Variants in GNG7 observed in about 807,000 individuals in gnomAD.
GNG7 encodes the protein guanine nucleotide-binding protein G(I)/G(S)/G(O) subunit gamma-7.
A neutral mutation model predicts 4.0 loss-of-function variants in GNG7; 1 was observed. The ratio of observed to expected loss-of-function variants is 0.25; its 90% CI spans 0.09 to 1.18. The LOEUF (loss-of-function observed/expected upper bound fraction) is 1.18, where lower values mean the gene tolerates loss of function less well. Ranked by LOEUF, GNG7 falls within the 50% of genes most tolerant of loss-of-function variation. The pLI is 0.50. For missense variants in GNG7, 86 were observed against 91.9 expected (o/e 0.94, Z 0.26); for synonymous variants, 34 against 36.9 (o/e 0.92, Z 0.29).
At position 2,604,664 on chromosome 19, in the gene GNG7, T is replaced by TGGAA. The variant is rs1309817565; in HGVS notation, c.-78+41556_-78+41559dup. Among the ~76,000 whole-genome samples the TGGAA allele has an allele frequency of 1.3e-4, 6 of 46,006 alleles. 1 individual carries two copies. Among genetic ancestry groups the TGGAA allele is most frequent in the Non-Finnish European group, 2.5e-4 (6 of 24,082 alleles). 30.2% of individuals were successfully genotyped at this position (46,006 alleles called of 152,430 possible). A position where few individuals can be genotyped will look rare whatever the true frequency, so the allele number is the denominator to read the frequency against. On this transcript the variant is annotated intron_variant, in intron 2 of 4. Coordinates refer to ENST00000382159, the MANE Select transcript of GNG7 (RefSeq NM_052847.3). ...CAAAAAAAAAAAAAAAAAGAATGAA[T>TGGAA]GGAAGGAAGGAAGGAAGGGAGGGAG...
In GNG7 at chr19:2,634,488, G is replaced by A. The variant is rs180945858; in HGVS notation, c.-78+11736C>T. 8.5e-4 allele frequency among the ~76,000 whole-genome samples: 130 copies of A among 152,310 alleles called. No homozygotes were observed. The highest frequency in any genetic ancestry group is 2.9e-3 in the African/African-American group (122 of 41,570). On this transcript the variant is annotated intron_variant, in intron 2 of 4. Transcript: ENST00000382159. This position sits in a 1 kb window ranked among gnomAD's most constrained non-coding sequence, Gnocchi z 5.3. ...GCCGGGAAGCACTGCCTTGTCCTGG[G>A]CTACAGATGTGGAGGCTGCTGGGTA... is the stretch of plus-strand genomic sequence containing the variant.
At chr19:2,624,543 A>AG (rs1042006350) in intron 2 of GNG7, among the ~76,000 whole-genome samples, 1 of 151,472 alleles carries the variant, frequency 6.6e-6, no homozygotes, top group African/African-American at 2.4e-5. Flanking sequence ...AAAAAAAAAA[A>AG]AAAGAAAAAG....
intron 1 of GNG7, among the ~76,000 whole-genome samples, chr19:2,668,845 C>T (rs1241635622): frequency 6.6e-6 from 1 of 152,040 alleles, no homozygotes; most frequent in Non-Finnish European, 1.5e-5. Flanking sequence ...GTGCTGAGTA[C>T]CGCAGGGTGC....
At chr19:2,532,705 A>T (rs1323071778) in intron 3 of GNG7, among the ~76,000 whole-genome samples, 1 of 152,244 alleles carries the variant, frequency 6.6e-6, no homozygotes, top group Non-Finnish European at 1.5e-5. Flanking sequence ...GTGTCTAATG[A>T]TTAGTCATGA....
chr19:2,555,661 C>T (rs1401520454), intron 2 of GNG7, among the ~76,000 whole-genome samples: 1 of 152,106 alleles, frequency 6.6e-6, no homozygotes, highest in Non-Finnish European at 1.5e-5. Context: ...CAATTAACCC[C>T]GAATGGAGGA....
intron 1 of GNG7, among the ~76,000 whole-genome samples, chr19:2,650,417 G>A (rs1179453793): frequency 6.6e-6 from 1 of 152,014 alleles, no homozygotes; most frequent in Non-Finnish European, 1.5e-5. Flanking sequence ...TTGAACTCCT[G>A]ACCTCAGGTG....
intron 3 of GNG7, among the ~76,000 whole-genome samples, chr19:2,545,923 C>G (rs1419324567): frequency 6.6e-6 from 1 of 152,102 alleles, no homozygotes; most frequent in Non-Finnish European, 1.5e-5. Flanking sequence ...CCACTGCACT[C>G]CAGCCTGGGC....
chr19:2,589,645 G>A (rs948115128), intron 2 of GNG7, among the ~76,000 whole-genome samples: 1 of 152,072 alleles, frequency 6.6e-6, no homozygotes, highest in African/African-American at 2.4e-5. Context: ...CAGCAGTAAG[G>A]AAATGATGCC....
At chr19:2,541,424 G>A (rs150652055) in intron 3 of GNG7, among the ~76,000 whole-genome samples, 10 of 147,402 alleles carry the variant, frequency 6.8e-5, no homozygotes, top group Middle Eastern at 4.0e-3. Flanking sequence ...GCAATACAGC[G>A]AGACCCTGCC....
chr19:2,668,804 C>A (rs1983377803), intron 1 of GNG7, among the ~76,000 whole-genome samples: 1 of 152,136 alleles, frequency 6.6e-6, no homozygotes, highest in Non-Finnish European at 1.5e-5. Flanking sequence ...CTGGTGCTGA[C>A]ATTTGGGGCC....
At chr19:2,536,200 G>A (rs879683298) in intron 3 of GNG7, among the ~76,000 whole-genome samples, 10 of 152,086 alleles carry the variant, frequency 6.6e-5, no homozygotes, top group Admixed American at 3.9e-4. Context: ...GGCGGATCAC[G>A]AGGTCAGGAG....
chr19:2,643,898 T>G, intron 2 of GNG7: 1 of 315,476 alleles, frequency 3.2e-6, no homozygotes, highest in South Asian at 2.7e-5. Flanking sequence ...ATCTGTCACC[T>G]TTTCTAGAAT....
chr19:2,655,006 G>A (rs552800616), intron 1 of GNG7, among the ~76,000 whole-genome samples: 1 of 152,156 alleles, frequency 6.6e-6, no homozygotes, highest in South Asian at 2.1e-4. Context: ...GGACCACATA[G>A]CAAGACCCCA....
intron 2 of GNG7, among the ~76,000 whole-genome samples, chr19:2,582,656 ATTTTTTTTTTTT>A (rs35625825): frequency 0.013 from 1,092 of 86,170 alleles, 18 homozygotes; most frequent in African/African-American, 0.041. Flanking sequence ...CTAATTGTTA[ATTTTTTTTTTTT>A]TTTTTTTTTT....
At chr19:2,641,321 GC>G (rs921655514) in intron 2 of GNG7, among the ~76,000 whole-genome samples, 2 of 152,214 alleles carry the variant, frequency 1.3e-5, no homozygotes, top group African/African-American at 4.8e-5. Flanking sequence ...AACCCCAGAA[GC>G]CGTGGACAGG....
At chr19:2,641,652 ACTT>A (rs1260608800) in intron 2 of GNG7, among the ~76,000 whole-genome samples, 7 of 151,060 alleles carry the variant, frequency 4.6e-5, no homozygotes, top group Non-Finnish European at 7.4e-5. Flanking sequence ...CCTATGTTAG[ACTT>A]CTTTTTTTTT....
At chr19:2,654,583 C>A (rs1017563830) in intron 1 of GNG7, among the ~76,000 whole-genome samples, 1 of 105,332 alleles carries the variant, frequency 9.5e-6, no homozygotes, top group Admixed American at 1.0e-4. Context: ...CATGATCCTC[C>A]CCCTTGCTGA....
intron 3 of GNG7, among the ~76,000 whole-genome samples, chr19:2,552,979 C>A (rs891951756): frequency 2.0e-5 from 3 of 151,096 alleles, no homozygotes; most frequent in Admixed American, 6.6e-5. Context: ...CCCAAGCCAG[C>A]AGGAGGAAGG....
chr19:2,623,644 G>A (rs1049757969), intron 2 of GNG7, among the ~76,000 whole-genome samples: 2 of 152,192 alleles, frequency 1.3e-5, no homozygotes, highest in Non-Finnish European at 2.9e-5. Context: ...ACTTTGGGAG[G>A]CCAAGGCAGG....
Sources: gnomAD v4.1 joint callset for allele counts (sites outside exome capture counted in the v4.1 genomes callset) on GRCh38, gnomAD v4.1.1 for gene constraint, Gnocchi (gnomAD v3.1) non-coding constraint, MANE v1.5 for transcripts, NCBI Gene and HGNC (gene_info 2026-07-23, HGNC 2026-07-21) for gene names.